The following FBXO25 variants were observed in gnomAD, a reference collection of about 807,000 sequenced individuals.
FBXO25 encodes F-box only protein 25.
Under a neutral mutation model 51.9 loss-of-function variants are expected in FBXO25, and 45 were observed. The observed-to-expected ratio is 0.87, with a 90% CI of 0.68 to 1.11. The LOEUF is 1.11. FBXO25 is among the 50% of genes most tolerant of loss of function. The pLI, the probability that FBXO25 is intolerant of heterozygous loss-of-function variation, is 0.00. For synonymous variants in FBXO25, 199 were observed against 151.0 expected (o/e 1.32, Z -2.33); for missense variants, 507 against 428.5 (o/e 1.18, Z -1.62).
At chr8:442,423 A>G (rs145742858) in intron 5 of FBXO25, among the ~76,000 whole-genome samples, 10 of 152,248 alleles carry the variant, frequency 6.6e-5, no homozygotes, top group Middle Eastern at 6.8e-3. Flanking sequence ...TTCTTCAAGC[A>G]AACTGCATAG....
intron 5 of FBXO25, among the ~76,000 whole-genome samples, chr8:444,672 A>C (rs1025716476): frequency 6.6e-6 from 1 of 152,154 alleles, no homozygotes; most frequent in Non-Finnish European, 1.5e-5. Flanking sequence ...GCAGTCATGC[A>C]CTACATAACG....
rs1219241751 is a variant in FBXO25 at position 472,839 on chromosome 8, G to A, written c.*4035G>A. The A allele has an allele frequency of 6.6e-6, 1 of 152,198 alleles. No homozygotes were observed. The highest frequency in any genetic ancestry group is 6.5e-5 in the Admixed American group (1 of 15,272). The allele number at this position is 152,198 out of a possible 1,614,324, so 9.4% of individuals were successfully genotyped here. Reference sequence around the variant, plus strand: ...TTCAGAATTATCAAAAGGAAGGGGTGCTGCCCTCTGAGAAAAGTCAGAAGC... The same window carrying A: ...TTCAGAATTATCAAAAGGAAGGGGTACTGCCCTCTGAGAAAAGTCAGAAGC... On this transcript the variant is annotated 3_prime_UTR_variant, in exon 10 of 10. Coordinates refer to ENST00000350302, the MANE Select transcript of FBXO25 (RefSeq NM_183420.2).
rs1800652908 is a variant in FBXO25, at chr8:476,691, A to C, written c.*7887A>C. On this transcript the variant is annotated 3_prime_UTR_variant, in exon 10 of 10. Transcript: ENST00000350302. ...TTTTTATTTCTGTAAAATCAGTTGT[A>C]ATGTCTCCTCCTGGTTTTTAGTTGT... 6.6e-6 allele frequency: 1 copy of C among 152,056 alleles called. No individual in the cohort carries two copies. Among genetic ancestry groups the C allele is most frequent in the African/African-American group, 2.4e-5 (1 of 41,408 alleles). The allele number at this position is 152,056 out of a possible 1,614,324, so 9.4% of individuals were successfully genotyped here.
intron 7 of FBXO25, among the ~76,000 whole-genome samples, chr8:454,489 G>T (rs1422920532): frequency 6.6e-6 from 1 of 152,210 alleles, no homozygotes; most frequent in Non-Finnish European, 1.5e-5. Flanking sequence ...GGGACCCAGG[G>T]AGATGAGCAC....
At chr8:436,466 G>C (rs184843721) in intron 5 of FBXO25, among the ~76,000 whole-genome samples, 12,081 of 152,158 alleles carry the variant, frequency 0.079, 599 homozygotes, top group African/African-American at 0.14. Flanking sequence ...ATAATTGTAA[G>C]CCTTAGATAA....
chr8:425,721 T>C (rs1295183912), intron 2 of FBXO25, among the ~76,000 whole-genome samples: 5 of 152,070 alleles, frequency 3.3e-5, no homozygotes, highest in Non-Finnish European at 7.4e-5. Flanking sequence ...TTTATAGCTG[T>C]ATATCTTATA....
Position 474,761 on chromosome 8 carries a change from C to G in FBXO25, c.*5957C>G, listed in dbSNP as rs1238914329. On this transcript the variant is annotated 3_prime_UTR_variant, in exon 10 of 10. Coordinates refer to ENST00000350302, the MANE Select transcript of FBXO25 (RefSeq NM_183420.2). ...GGGTATTCACCCTTTTCAGATATAT[C>G]ATTTTAAAATACTTTGTCCCATTCC... 2 of 456,664 alleles carry G rather than the reference C, an allele frequency of 4.4e-6. No homozygotes were observed. Among genetic ancestry groups the G allele is most frequent in the South Asian group, 1.5e-5 (1 of 64,552 alleles). The allele number at this position is 456,664 out of a possible 1,614,324, so 28.3% of individuals were successfully genotyped here. A position where few individuals can be genotyped will look rare whatever the true frequency, so the allele number is the denominator to read the frequency against.
rs1357865770 is a variant in FBXO25, at chr8:471,333, T to A, written c.*2529T>A. On this transcript the variant is annotated 3_prime_UTR_variant, in exon 10 of 10. Coordinates refer to ENST00000350302, the MANE Select transcript of FBXO25 (RefSeq NM_183420.2). ...AATAAAGACAATTTTGAGGCACTGA[T>A]CAGTTATTTACAGAAGATCGGACAA... 1.3e-5 allele frequency: 2 copies of A among 152,136 alleles called. No individual in the cohort carries two copies. The highest frequency in any genetic ancestry group is 1.3e-4 in the Admixed American group (2 of 15,274). 9.4% of individuals were successfully genotyped at this position (152,136 alleles called of 1,614,324 possible).
In FBXO25 at chr8:458,509, G is replaced by A. The variant is rs766974255; in HGVS notation, c.801G>A (p.Gln267=). 25 of 1,614,052 alleles carry A rather than the reference G, an allele frequency of 1.5e-5. No individual in the cohort carries two copies. Among genetic ancestry groups the A allele is most frequent in the Middle Eastern group, 1.6e-4 (1 of 6,084 alleles). ...PTLYMLSEDR[Q]LWKKLCQYHF... is the part of the protein sequence containing the mutation. ...TGTATATGCTTAGTGAAGACAGACAGCTGTGGAAGAAGCTTTGTCAGTACC... is the reference window on the plus strand; with the variant it reads ...TGTATATGCTTAGTGAAGACAGACAACTGTGGAAGAAGCTTTGTCAGTACC... The change falls in exon 8 of 10, where the codon CAG becomes CAA. Residue 267 remains glutamine, a synonymous_variant. Coordinates refer to ENST00000350302, the MANE Select transcript of FBXO25 (RefSeq NM_183420.2).
chr8:439,158 T>C (rs1158680011), intron 5 of FBXO25, among the ~76,000 whole-genome samples: 2 of 152,322 alleles, frequency 1.3e-5, no homozygotes, highest in East Asian at 3.9e-4. Context: ...TATAGGTTAA[T>C]GTGACTGTGG....
chr8:410,868 C>T (rs916800670), intron 1 of FBXO25, among the ~76,000 whole-genome samples: 1 of 152,140 alleles, frequency 6.6e-6, no homozygotes, highest in Admixed American at 6.5e-5. Flanking sequence ...AGATTTTCTT[C>T]GTGTAAAGAA....
rs192277632 is a variant in FBXO25, at chr8:449,505, A to G, written c.382-485A>G. Among the ~76,000 whole-genome samples the G allele has an allele frequency of 1.5e-4, 23 of 152,258 alleles. No individual in the cohort carries two copies. The Middle Eastern group carries it at 0.01, about 68-fold the overall frequency. ...AAATACAAAATGGTATTTAACAATG[A>G]GTTTTGGTGTTGTGTTTCCTTTTTA... On this transcript the variant is annotated intron_variant, in intron 5 of 9. Transcript: ENST00000350302.
intron 6 of FBXO25, 96 bp from the exon 7 acceptor site, chr8:451,173 T>A: frequency 1.0e-6 from 1 of 1,000,852 alleles, no homozygotes; most frequent in South Asian, 1.7e-5. Flanking sequence ...GTTTGTCTGT[T>A]CGTCTATCAG....
chr8:468,944 A>C lies in FBXO25; in HGVS notation c.*140A>C, dbSNP rs1469862250. On this transcript the variant is annotated 3_prime_UTR_variant, in exon 10 of 10. Coordinates refer to ENST00000350302, the MANE Select transcript of FBXO25 (RefSeq NM_183420.2). Reference sequence around the variant, plus strand: ...GCCTGGGAAGAACTGCCCTTCTGCAAAGGGGGGACTGCATGGTTGCATTTT... The same window carrying C: ...GCCTGGGAAGAACTGCCCTTCTGCACAGGGGGGACTGCATGGTTGCATTTT... 1.4e-6 allele frequency: 1 copy of C among 694,376 alleles called. No homozygotes were observed. The highest frequency in any genetic ancestry group is 2.9e-5 in the East Asian group (1 of 34,598). 43.0% of individuals were successfully genotyped at this position (694,376 alleles called of 1,614,324 possible).
At chr8:464,645 A>G (rs562451133) in intron 9 of FBXO25, among the ~76,000 whole-genome samples, 1 of 152,344 alleles carries the variant, frequency 6.6e-6, no homozygotes, top group East Asian at 1.9e-4. Flanking sequence ...GAAAGAGACA[A>G]CTGCTTTTCA....
At chr8:452,019 C>G (rs1799130399) in intron 7 of FBXO25, among the ~76,000 whole-genome samples, 1 of 152,144 alleles carries the variant, frequency 6.6e-6, no homozygotes, top group Non-Finnish European at 1.5e-5. Context: ...AACTCTAGTA[C>G]TCATAAGAAA....
chr8:456,571 C>G (rs1405938100), intron 7 of FBXO25, among the ~76,000 whole-genome samples: 1 of 152,120 alleles, frequency 6.6e-6, no homozygotes, highest in African/African-American at 2.4e-5. Context: ...TGACATCTGC[C>G]CTATGCGTGG....
intron 2 of FBXO25, among the ~76,000 whole-genome samples, chr8:428,705 C>T (rs1157625134): frequency 1.3e-5 from 2 of 152,138 alleles, no homozygotes; most frequent in African/African-American, 4.8e-5. Context: ...TTTCATTCTC[C>T]AGCACCCCCA....
At chr8:424,212 A>G in intron 2 of FBXO25, among the ~76,000 whole-genome samples, 1 of 138,708 alleles carries the variant, frequency 7.2e-6, no homozygotes, top group East Asian at 2.1e-4. Flanking sequence ...CCCATTTTTT[A>G]ATGGGGTTGT....
Sources: allele counts gnomAD v4.1 joint callset (sites outside exome capture counted in the v4.1 genomes callset), GRCh38; gene constraint gnomAD v4.1.1; transcripts MANE v1.5; gene names NCBI Gene and HGNC (gene_info 2026-07-23, HGNC 2026-07-21).